PTPRD: variants seen among roughly 807,000 people sequenced by gnomAD.
PTPRD encodes the protein receptor-type tyrosine-protein phosphatase delta.
PTPRD carries 34 observed loss-of-function variants against 214.5 expected under a neutral mutation model. That is an observed-to-expected ratio of 0.16 (90% CI 0.12 to 0.21). The LOEUF (loss-of-function observed/expected upper bound fraction) is 0.21, where lower values mean the gene tolerates loss of function less well. PTPRD is among the 10% of genes least tolerant of loss of function. The pLI, the probability that PTPRD is intolerant of heterozygous loss-of-function variation, is 1.00. For synonymous variants in PTPRD, 1,128 were observed against 845.7 expected (o/e 1.33, Z -5.79); for missense variants, 2,545 against 2,398.7 (o/e 1.06, Z -1.27).
chr9:8,544,329 G>C (rs750290420), intron 14 of PTPRD, among the ~76,000 whole-genome samples: 1 of 151,452 alleles, frequency 6.6e-6, no homozygotes, highest in African/African-American at 2.4e-5. Context: ...TAATCCGCCT[G>C]TATCGGCCTC....
At chr9:9,664,546 G>A (rs2096679417) in intron 7 of PTPRD, among the ~76,000 whole-genome samples, 3 of 151,492 alleles carry the variant, frequency 2.0e-5, no homozygotes. Flanking sequence ...CAAACTAAAT[G>A]GAAACCTCTA....
intron 8 of PTPRD, among the ~76,000 whole-genome samples, chr9:9,492,301 G>A (rs1342541556): frequency 1.4e-5 from 2 of 146,656 alleles, no homozygotes; most frequent in Non-Finnish European, 3.0e-5. Context: ...GGACCTGATG[G>A]ACTCACTAGT....
intron 8 of PTPRD, among the ~76,000 whole-genome samples, chr9:9,526,432 T>C (rs1370391207): frequency 6.6e-6 from 1 of 152,218 alleles, no homozygotes; most frequent in Non-Finnish European, 1.5e-5. Flanking sequence ...CATGGCATTA[T>C]GTAATTTTAA....
At chr9:10,060,519 G>A (rs950283598) in intron 3 of PTPRD, among the ~76,000 whole-genome samples, 3 of 151,810 alleles carry the variant, frequency 2.0e-5, no homozygotes, top group Non-Finnish European at 4.4e-5. Flanking sequence ...GTCCACTAGA[G>A]GGCACTATTG....
intron 12 of PTPRD, among the ~76,000 whole-genome samples, chr9:8,727,810 A>C (rs576618644): frequency 9.2e-5 from 14 of 152,182 alleles, no homozygotes; most frequent in Non-Finnish European, 1.8e-4. Flanking sequence ...GTGCCACCAC[A>C]ACTGGCTGTT....
chr9:8,817,333 C>G (rs2096940741), intron 11 of PTPRD, among the ~76,000 whole-genome samples: 1 of 152,186 alleles, frequency 6.6e-6, no homozygotes, highest in South Asian at 2.1e-4. Context: ...ATATTCCTAT[C>G]TTTAATTTTA....
intron 8 of PTPRD, among the ~76,000 whole-genome samples, chr9:9,484,905 G>C (rs1278282943): frequency 6.6e-6 from 1 of 152,122 alleles, no homozygotes; most frequent in Admixed American, 6.6e-5. Flanking sequence ...GAGAAAATGA[G>C]TTATTAGAAG....
intron 7 of PTPRD, among the ~76,000 whole-genome samples, chr9:9,593,514 A>G (rs1563923755): frequency 1.3e-5 from 2 of 152,012 alleles, no homozygotes; most frequent in Non-Finnish European, 2.9e-5. Context: ...ATTTTGAGGC[A>G]TGAGAAAACT....
rs569854666 is a variant in PTPRD, at chr9:8,993,739, T to A, written c.-104+24958A>T. On this transcript the variant is annotated intron_variant, in intron 11 of 45. Transcript: ENST00000381196. ...TTTGCTTTATTCATGCAAGTCCTGA[T>A]GAAGGAAGAGTTTCTCAGACTTTTC... Among the ~76,000 whole-genome samples, 118 of 152,230 alleles carry A rather than the reference T, an allele frequency of 7.8e-4. 2 individuals carry two copies. In the Middle Eastern group the frequency reaches 0.014, roughly 18 times the overall value.
At position 10,568,528 on chromosome 9, in the gene PTPRD, C is replaced by T. The variant is rs556092927; in HGVS notation, c.-600+43870G>A. Among the ~76,000 whole-genome samples the T allele has an allele frequency of 5.1e-4, 78 of 151,850 alleles. 1 individual carries two copies. Among genetic ancestry groups the T allele is most frequent in the Middle Eastern group, 3.4e-3 (1 of 294 alleles). ...AATGGTATTTCTAGTTCTAGATCCC[C>T]GAGGAATCGCCCCACTGACTTCCAC... On this transcript the variant is annotated intron_variant, in intron 2 of 45. Transcript: ENST00000381196.
chr9:9,995,938 A>C (rs10816273), intron 4 of PTPRD, among the ~76,000 whole-genome samples: 56,846 of 151,900 alleles, frequency 0.37, 10,931 homozygotes, highest in Middle Eastern at 0.42. Flanking sequence ...TTCCCAAAAC[A>C]ATCCATTTAT....
chr9:9,732,890 C>T lies in PTPRD; in HGVS notation c.-287+1643G>A, dbSNP rs79858404. Among the ~76,000 whole-genome samples, 4 of 147,552 alleles carry T rather than the reference C, an allele frequency of 2.7e-5. No homozygotes were observed. The East Asian group carries it at 5.9e-4, about 22-fold the overall frequency. ...CTTGAACCCAGGAGGCCAGCATGGG[C>T]AACACAGTGAAACCTTGTTTCCAAA... is the stretch of plus-strand genomic sequence containing the variant. On this transcript the variant is annotated intron_variant, in intron 7 of 45. Transcript: ENST00000381196.
In PTPRD at chr9:8,536,796, T is replaced by C. The variant is rs190154028; in HGVS notation, c.353-8017A>G. Among the ~76,000 whole-genome samples, 6 of 152,130 alleles carry C rather than the reference T, an allele frequency of 3.9e-5. No homozygotes were observed. In the East Asian group the frequency reaches 1.2e-3, roughly 30 times the overall value. On this transcript the variant is annotated intron_variant, in intron 14 of 45. Coordinates refer to ENST00000381196, the MANE Select transcript of PTPRD (RefSeq NM_002839.4). ...CTATGACTTTGGGCCACAAGGTCCC[T>C]CTTCGGTTTATGGGACTAATAATGA... is the stretch of plus-strand genomic sequence containing the variant.
chr9:10,105,771 C>G (rs2154219556), intron 3 of PTPRD, among the ~76,000 whole-genome samples: 1 of 151,718 alleles, frequency 6.6e-6, no homozygotes, highest in South Asian at 2.1e-4. Context: ...ATTTCAAAAA[C>G]AGTACAAGTG....
At chr9:10,195,569 G>A (rs138405678) in intron 3 of PTPRD, among the ~76,000 whole-genome samples, 6 of 152,278 alleles carry the variant, frequency 3.9e-5, no homozygotes, top group African/African-American at 9.6e-5. Context: ...TAGGCCAGAC[G>A]CCGTGGCTCA....
In PTPRD at chr9:10,429,357, C is replaced by T. The variant is rs138666975; in HGVS notation, c.-599-88340G>A. ...GGTATCTACTCAAAGGAAAATAAAT[C>T]AATACATCTAAAAGAAACCCTGCAG... On this transcript the variant is annotated intron_variant, in intron 2 of 45. Transcript: ENST00000381196. Among the ~76,000 whole-genome samples the T allele has an allele frequency of 3.0e-3, 458 of 152,016 alleles. 9 individuals are homozygous for T. The highest frequency in any genetic ancestry group is 0.014 in the South Asian group (68 of 4,820).
chr9:9,000,089 T>C (rs1362500478), intron 11 of PTPRD, among the ~76,000 whole-genome samples: 1 of 152,028 alleles, frequency 6.6e-6, no homozygotes, highest in Non-Finnish European at 1.5e-5. Context: ...AGCTTCAGCA[T>C]CTGTAATAAT....
intron 3 of PTPRD, among the ~76,000 whole-genome samples, chr9:10,055,009 C>G (rs949922224): frequency 1.6e-4 from 24 of 148,766 alleles, no homozygotes; most frequent in African/African-American, 5.4e-4. Context: ...AAAGAAAGAT[C>G]AGTGTTTTCT....
At chr9:8,695,149 G>A (rs1346009563) in intron 12 of PTPRD, among the ~76,000 whole-genome samples, 2 of 152,066 alleles carry the variant, frequency 1.3e-5, no homozygotes, top group African/African-American at 4.8e-5. Context: ...CAGGCCTGCA[G>A]CAGCTCTAAA....
Sources: allele counts gnomAD v4.1 joint callset (sites outside exome capture counted in the v4.1 genomes callset), GRCh38; gene constraint gnomAD v4.1.1; transcripts MANE v1.5; gene names NCBI Gene and HGNC (gene_info 2026-07-23, HGNC 2026-07-21).